Variants in XPO4 observed in about 807,000 individuals in gnomAD.
The protein encoded by XPO4 is exportin-4.
In XPO4, 39 loss-of-function variants were observed where a neutral mutation model predicts 143.0. The observed-to-expected ratio is 0.27, with a 90% CI of 0.21 to 0.36. The LOEUF is 0.36. Ranked by LOEUF, XPO4 falls within the 10% of genes least tolerant of loss-of-function variation. The pLI is 1.00. For missense variants in XPO4, 907 were observed against 1,348.0 expected, an observed-to-expected ratio of 0.67 and a Z score of 5.12; for synonymous variants, 439 against 474.0, an observed-to-expected ratio of 0.93 and a Z score of 0.96.
At chr13:20,852,728 A>G in intron 4 of XPO4, 2 of 978,378 alleles carry the variant, frequency 2.0e-6, no homozygotes, top group Non-Finnish European at 2.4e-6. Context: ...TATATTATAT[A>G]CATATATTAA....
chr13:20,859,383 G>A (rs1305549198), intron 3 of XPO4, among the ~76,000 whole-genome samples: 4 of 152,244 alleles, frequency 2.6e-5, no homozygotes, highest in Middle Eastern at 3.4e-3. Context: ...GGCGGATCAC[G>A]AGGTCAGGAA....
chr13:20,892,237 C>T (rs540804231), intron 1 of XPO4, among the ~76,000 whole-genome samples: 1 of 152,052 alleles, frequency 6.6e-6, no homozygotes, highest in Admixed American at 6.6e-5. Context: ...CACACATGCA[C>T]CACCATGCCT....
chr13:20,888,810 T>C (rs56117403), intron 1 of XPO4, among the ~76,000 whole-genome samples: 3,714 of 151,772 alleles, frequency 0.024, 117 homozygotes, highest in Middle Eastern at 0.075. Context: ...AAAGACACTT[T>C]TTTTTTTTTT....
Position 20,807,403 on chromosome 13 carries a change from A to G in XPO4, c.1817+54T>C. The G allele has an allele frequency of 2.0e-6, 3 of 1,533,146 alleles. No homozygotes were observed. The South Asian group carries it at 3.8e-5, about 19-fold the overall frequency. The allele number at this position is 1,533,146 out of a possible 1,614,324, so 95.0% of individuals were successfully genotyped here. ...TCCAGTCATCTACCCATCAACTCAG[A>G]ATTTATAAAACAGTATAAAAATTAC... is the stretch of plus-strand genomic sequence containing the variant. On this transcript the variant is annotated intron_variant, in intron 13 of 22. Transcript: ENST00000255305.
rs1243965745 is a variant in XPO4 at position 20,815,557 on chromosome 13, T to G, written c.1174-5590A>C. ...TGAGCTAAATCTCATGCTAAGGTAGTTAGTTTGTTTTCCTGTGAACAGCAA... is the reference window on the plus strand; with the variant it reads ...TGAGCTAAATCTCATGCTAAGGTAGGTAGTTTGTTTTCCTGTGAACAGCAA... On this transcript the variant is annotated intron_variant, in intron 9 of 22. Transcript: ENST00000255305. Among the ~76,000 whole-genome samples, 3 of 150,990 alleles carry G rather than the reference T, an allele frequency of 2.0e-5. No individual in the cohort carries two copies. In the Admixed American group the frequency reaches 2.1e-4, roughly 11 times the overall value.
chr13:20,826,824 A>G (rs541840461), intron 7 of XPO4, among the ~76,000 whole-genome samples: 1 of 152,312 alleles, frequency 6.6e-6, no homozygotes, highest in African/African-American at 2.4e-5. Flanking sequence ...AAGAGTATAG[A>G]GGGGTCCTGA....
In XPO4 at chr13:20,857,841, T is replaced by C. The variant is rs74036461; in HGVS notation, c.318-2076A>G. On this transcript the variant is annotated intron_variant, in intron 3 of 22. Coordinates refer to ENST00000255305, the MANE Select transcript of XPO4 (RefSeq NM_022459.5). ...CAAATCCCTTTCTTGACCACTATGC[T>C]ACACTTGCCTCTTTCATAAAGGACA... is the stretch of plus-strand genomic sequence containing the variant. The C allele has an allele frequency of 3.2e-3, 3,184 of 985,356 alleles. 45 individuals are homozygous for C. Among genetic ancestry groups the C allele is most frequent in the African/African-American group, 0.031 (1,800 of 57,354 alleles). The allele number at this position is 985,356 out of a possible 1,614,324, so 61.0% of individuals were successfully genotyped here.
chr13:20,872,488 G>GA (rs2060308363), intron 1 of XPO4, among the ~76,000 whole-genome samples: 1 of 152,168 alleles, frequency 6.6e-6, no homozygotes, highest in Non-Finnish European at 1.5e-5. Flanking sequence ...ATACAAAAGA[G>GA]AGAGGCATTT....
intron 7 of XPO4, among the ~76,000 whole-genome samples, chr13:20,824,509 T>A (rs901869004): frequency 4.6e-5 from 7 of 152,210 alleles, no homozygotes; most frequent in Non-Finnish European, 8.8e-5. Context: ...TAAATAACTG[T>A]CTTTCGAGAC....
At chr13:20,824,341 A>C (rs921634322) in intron 7 of XPO4, among the ~76,000 whole-genome samples, 4 of 152,244 alleles carry the variant, frequency 2.6e-5, no homozygotes, top group African/African-American at 9.6e-5. Flanking sequence ...CATGATATCC[A>C]GGGATATATT....
chr13:20,849,746 CTT>C (rs1222097338), intron 4 of XPO4: 1 of 985,088 alleles, frequency 1.0e-6, no homozygotes, highest in Non-Finnish European at 1.2e-6. Flanking sequence ...AGAACCAAGT[CTT>C]TAAGATACTT....
chr13:20,873,603 A>T lies in XPO4; in HGVS notation c.70-4902T>A, dbSNP rs76253774. ...TAATCCTTTCCTCAAAACAGTCAGG[A>T]ATCCCAATTGTCAAATCCTACAAAT... On this transcript the variant is annotated intron_variant, in intron 1 of 22. Coordinates refer to ENST00000255305, the MANE Select transcript of XPO4 (RefSeq NM_022459.5). Among the ~76,000 whole-genome samples the T allele has an allele frequency of 3.4e-3, 524 of 152,286 alleles. 3 individuals are homozygous for T. The highest frequency in any genetic ancestry group is 3.5e-3 in the South Asian group (17 of 4,822).
chr13:20,881,805 T>C (rs924209806), intron 1 of XPO4, among the ~76,000 whole-genome samples: 4 of 151,874 alleles, frequency 2.6e-5, no homozygotes, highest in Admixed American at 2.0e-4. Context: ...ACAGATTAGA[T>C]ACATCGGGGA....
intron 7 of XPO4, 134 bp from the exon 8 acceptor site, chr13:20,822,423 C>T: frequency 3.9e-6 from 3 of 778,366 alleles, no homozygotes; most frequent in Non-Finnish European, 5.8e-6. Context: ...CTGAATTAAA[C>T]TAAATTGAAA....
At chr13:20,876,664 A>T (rs1225165213) in intron 1 of XPO4, among the ~76,000 whole-genome samples, 1 of 152,210 alleles carries the variant, frequency 6.6e-6, no homozygotes, top group African/African-American at 2.4e-5. Context: ...AAAATTAGTA[A>T]ATTGAACTAT....
intron 1 of XPO4, chr13:20,902,451 G>A (rs955774666): frequency 1.0e-6 from 1 of 985,440 alleles, no homozygotes; most frequent in Non-Finnish European, 1.2e-6. Flanking sequence ...TGGGGTGCTG[G>A]GCAGCCAGGG....
In XPO4 at chr13:20,779,784, T is replaced by A. The variant is rs1329071623; in HGVS notation, c.*3938A>T. On this transcript the variant is annotated 3_prime_UTR_variant, in exon 23 of 23. Transcript: ENST00000255305. ...ACCAAACATATTCTTTGGTTAACTA[T>A]GTCATGGGTTCTCACTATAATCAAC... 1 of 152,650 alleles carries A rather than the reference T, an allele frequency of 6.6e-6. No individual in the cohort carries two copies. Among genetic ancestry groups the A allele is most frequent in the African/African-American group, 2.4e-5 (1 of 41,458 alleles). 9.5% of individuals were successfully genotyped at this position (152,650 alleles called of 1,614,324 possible). A position where few individuals can be genotyped will look rare whatever the true frequency, so the allele number is the denominator to read the frequency against.
chr13:20,862,646 C>CA (rs1409156696), intron 3 of XPO4, 71 bp downstream of exon 3: 1 of 1,583,932 alleles, frequency 6.3e-7, no homozygotes, highest in South Asian at 1.1e-5. Flanking sequence ...AAAATGCAAA[C>CA]AAAAAAAGCT....
chr13:20,876,511 T>C (rs1304261301), intron 1 of XPO4, among the ~76,000 whole-genome samples: 1 of 152,124 alleles, frequency 6.6e-6, no homozygotes, highest in Non-Finnish European at 1.5e-5. Flanking sequence ...AGTAGACAGT[T>C]ACTCATATTG....
Sources: allele counts gnomAD v4.1 joint callset (sites outside exome capture counted in the v4.1 genomes callset), GRCh38; gene constraint gnomAD v4.1.1; transcripts MANE v1.5; gene names NCBI Gene and HGNC (gene_info 2026-07-23, HGNC 2026-07-21).